The following MEGF8 variants were observed in gnomAD, a reference collection of about 807,000 sequenced individuals.
The protein encoded by MEGF8 is multiple epidermal growth factor-like domains protein 8.
MEGF8 carries 156 observed loss-of-function variants against 302.9 expected under a neutral mutation model. The ratio of observed to expected loss-of-function variants is 0.52; its 90% CI spans 0.45 to 0.59. The LOEUF (loss-of-function observed/expected upper bound fraction) is 0.59, where lower values mean the gene tolerates loss of function less well. Ranked by LOEUF, MEGF8 falls within the 20% of genes least tolerant of loss-of-function variation. MEGF8 has a pLI of 0.00. For synonymous variants in MEGF8, 1,621 were observed against 1,660.5 expected (o/e 0.98, Z 0.58); for missense variants, 3,345 against 3,964.5 (o/e 0.84, Z 4.20).
intron 12 of MEGF8, among the ~76,000 whole-genome samples, chr19:42,347,729 T>G: frequency 6.6e-6 from 1 of 152,118 alleles, no homozygotes; most frequent in Admixed American, 6.6e-5. Flanking sequence ...TGACCTCAAG[T>G]GATCTGCCCA....
intron 35 of MEGF8, among the ~76,000 whole-genome samples, chr19:42,367,320 G>A (rs1442997222): frequency 2.1e-5 from 3 of 144,428 alleles, no homozygotes; most frequent in Admixed American, 7.2e-5. Flanking sequence ...ACGGAGTCTC[G>A]CTCTGTCATC....
In MEGF8 at chr19:42,356,509, T is replaced by C; in HGVS notation, c.4622+56T>C. 1 of 1,366,096 alleles carries C rather than the reference T, an allele frequency of 7.3e-7. No individual in the cohort carries two copies. The highest frequency in any genetic ancestry group is 9.9e-7 in the Non-Finnish European group (1 of 1,006,694). The allele number at this position is 1,366,096 out of a possible 1,614,324, so 84.6% of individuals were successfully genotyped here. A position where few individuals can be genotyped will look rare whatever the true frequency, so the allele number is the denominator to read the frequency against. The stretch of plus-strand genomic sequence containing the variant: ...CAAATAAGAGAAGGTCACCTCGGGA[T>C]GCTAAGAGTCACCTCAGAGGAGTGC... On this transcript the variant is annotated intron_variant, in intron 26 of 41. Transcript: ENST00000251268. This position sits in a 1 kb window ranked among gnomAD's most constrained non-coding sequence, Gnocchi z 5.2.
chr19:42,326,483 G>A, intron 1 of MEGF8, 53 bp downstream of exon 1: 2 of 1,480,410 alleles, frequency 1.4e-6, no homozygotes, highest in East Asian at 2.8e-5. Context: ...TCATTCATGT[G>A]TGCATTCATC....
intron 15 of MEGF8, 59 bp downstream of exon 15, chr19:42,350,443 G>T (rs2147474107): frequency 1.4e-6 from 2 of 1,400,350 alleles, no homozygotes; most frequent in East Asian, 2.5e-5. Context: ...CAGGCAATGG[G>T]CAGTCAAGGG....
rs1174761169 is a variant in MEGF8 at position 42,356,381 on chromosome 19, A to C, written c.4550A>C (p.Asp1517Ala). ...FLHRLGHTMV[D>A]GPDATLWMFG... ...CACCGCCTGGGCCACACCATGGTGG[A>C]TGGACCCGATGCCACCTTGTGGATG... The change falls in exon 26 of 42, where the codon GAT (aspartate) becomes GCT (alanine). Residue 1517 changes from aspartate (D) to alanine (A), a missense_variant. Asp to Ala is a moderately radical substitution (Grantham distance 126). Coordinates refer to ENST00000251268, the MANE Select transcript of MEGF8 (RefSeq NM_001271938.2). This position sits in a 1 kb window ranked among gnomAD's most constrained non-coding sequence, Gnocchi z 5.2. 6.2e-7 allele frequency: 1 copy of C among 1,613,076 alleles called. No individual in the cohort carries two copies. Among genetic ancestry groups the C allele is most frequent in the African/African-American group, 1.3e-5 (1 of 74,886 alleles).
rs1056634686 is a variant in MEGF8, at chr19:42,344,327, C to T, written c.1789-114C>T. 24 of 1,419,044 alleles carry T rather than the reference C, an allele frequency of 1.7e-5. No individual in the cohort carries two copies. Among genetic ancestry groups the T allele is most frequent in the South Asian group, 1.4e-4 (10 of 71,922 alleles). The allele number at this position is 1,419,044 out of a possible 1,614,324, so 87.9% of individuals were successfully genotyped here. Reference sequence around the variant, plus strand: ...TCTCCCACATTCCAAGTCAACTCCCCGTTCTTCAGTTTTTTCGCCCTTTCC... The same window carrying T: ...TCTCCCACATTCCAAGTCAACTCCCTGTTCTTCAGTTTTTTCGCCCTTTCC... On this transcript the variant is annotated intron_variant, in intron 10 of 41. Transcript: ENST00000251268. This position sits in a 1 kb window ranked among gnomAD's most constrained non-coding sequence, Gnocchi z 4.5.
intron 13 of MEGF8, 23 bp from the exon 14 acceptor site, chr19:42,349,476 C>T: frequency 6.2e-7 from 1 of 1,602,128 alleles, no homozygotes; most frequent in Non-Finnish European, 8.5e-7. Flanking sequence ...GAGGCCCCTG[C>T]CTATCACTCA....
In MEGF8 at chr19:42,326,323, C is replaced by T. The variant is rs2038982789; in HGVS notation, c.80C>T (p.Ala27Val). ...VLGSLSPGAR[A>V]GDCKGQRQVL... ...GGGTCGCTGTCCCCTGGGGCCCGGG[C>T]GGGGGACTGCAAGGGGCAGCGGCAG... Residue 27 changes from alanine to valine, a missense_variant, in exon 1 of 42, where the codon GCG becomes GTG. Transcript: ENST00000251268. The T allele has an allele frequency of 6.4e-7, 1 of 1,568,312 alleles. No homozygotes were observed. The highest frequency in any genetic ancestry group is 8.6e-7 in the Non-Finnish European group (1 of 1,163,148).
Position 42,336,730 on chromosome 19 carries a change from A to G in MEGF8, c.1245-77A>G. ...TGGCCAGTCTCATCCCTGGGTGATC[A>G]CATGGCTCCTAAGAGCCTGGAGGAG... On this transcript the variant is annotated intron_variant, in intron 6 of 41. Transcript: ENST00000251268. This position sits in a 1 kb window ranked among gnomAD's most constrained non-coding sequence, Gnocchi z 4.8. The G allele has an allele frequency of 6.6e-7, 1 of 1,509,808 alleles. No individual in the cohort carries two copies. The highest frequency in any genetic ancestry group is 2.3e-5 in the East Asian group (1 of 43,902). 93.5% of individuals were successfully genotyped at this position (1,509,808 alleles called of 1,614,324 possible). A position where few individuals can be genotyped will look rare whatever the true frequency, so the allele number is the denominator to read the frequency against.
rs1351055123 is a variant in MEGF8, at chr19:42,335,299, C to G, written c.742C>G (p.Gln248Glu). 2.8e-5 allele frequency: 45 copies of G among 1,614,066 alleles called. No homozygotes were observed. Among genetic ancestry groups the G allele is most frequent in the Non-Finnish European group, 3.7e-5 (44 of 1,179,896 alleles). ...PPGLLAVFGG[Q>E]DLNNALGDLV... is the part of the protein sequence containing the mutation. The stretch of plus-strand genomic sequence containing the variant: ...TGAGACTATCCACCCCTCCACAGGC[C>G]AGGACCTCAACAATGCCCTGGGTGA... Residue 248 changes from glutamine (Q) to glutamate (E), a missense_variant and splice_region_variant, in exon 5 of 42, where the codon CAG (glutamine) becomes GAG (glutamate). Transcript: ENST00000251268.
chr19:42,364,440 C>T (rs2039576399), intron 35 of MEGF8, among the ~76,000 whole-genome samples: 2 of 152,174 alleles, frequency 1.3e-5, no homozygotes, highest in South Asian at 4.1e-4. Context: ...CATCCGACAA[C>T]CCATGAACTA....
chr19:42,336,891 G>A lies in MEGF8; in HGVS notation c.1329G>A (p.Gln443=). The A allele has an allele frequency of 6.2e-7, 1 of 1,613,496 alleles. No individual in the cohort carries two copies. The highest frequency in any genetic ancestry group is 8.5e-7 in the Non-Finnish European group (1 of 1,179,698). Residue 443 remains glutamine (Q), a synonymous_variant, in exon 7 of 42, where the codon CAG becomes CAA. Coordinates refer to ENST00000251268, the MANE Select transcript of MEGF8 (RefSeq NM_001271938.2). This position sits in a 1 kb window ranked among gnomAD's most constrained non-coding sequence, Gnocchi z 4.8. ...CGCTGAAGGGGCGGGATGGGCTTCA[G>A]GGCCCAAGGGAGCGAGCCTTCCACA... ...WTTLKGRDGL[Q]GPRERAFHTA...
intron 5 of MEGF8, among the ~76,000 whole-genome samples, 197 bp from the exon 6 acceptor site, chr19:42,335,734 T>C (rs976393742): frequency 5.9e-5 from 9 of 152,198 alleles, no homozygotes; most frequent in African/African-American, 2.2e-4. Context: ...CCTTGCCTTT[T>C]CTCTCTCTTA....
intron 31 of MEGF8, 63 bp downstream of exon 31, chr19:42,359,305 C>A: frequency 1.4e-6 from 2 of 1,444,106 alleles, no homozygotes; most frequent in Middle Eastern, 2.3e-4. Context: ...CATCCCCATC[C>A]TGGGACTCCC....
chr19:42,373,120 G>A (rs1216488250), intron 41 of MEGF8, among the ~76,000 whole-genome samples: 1 of 150,800 alleles, frequency 6.6e-6, no homozygotes, highest in Non-Finnish European at 1.5e-5. Flanking sequence ...TTGAGACGGA[G>A]TCTCACTCTG....
At chr19:42,374,383 A>G (rs2039735754) in intron 41 of MEGF8, among the ~76,000 whole-genome samples, 1 of 151,314 alleles carries the variant, frequency 6.6e-6, no homozygotes, top group Non-Finnish European at 1.5e-5. Context: ...AGGCAGGAGA[A>G]TCGCTTGAAC....
At chr19:42,350,473 G>A in intron 15 of MEGF8, 89 bp downstream of exon 15, 1 of 1,223,516 alleles carries the variant, frequency 8.2e-7, no homozygotes, top group Middle Eastern at 2.9e-4. Context: ...TGGGGGGTGT[G>A]GGGGAAACAG....
chr19:42,358,800 G>T lies in MEGF8; in HGVS notation c.5189G>T (p.Arg1730Met), dbSNP rs540356511. Residue 1730 changes from arginine (R) to methionine (M), a missense_variant, in exon 30 of 42, where the codon AGG becomes ATG. Coordinates refer to ENST00000251268, the MANE Select transcript of MEGF8 (RefSeq NM_001271938.2). This position sits in a 1 kb window ranked among gnomAD's most constrained non-coding sequence, Gnocchi z 4.4. ...PSQGAKRDRM[R>M]NVRGSSRGLG... ...CACTGTCACTAGCGAGATCGTATGA[G>T]GAATGTGCGTGGCTCATCTCGGGGT... The T allele has an allele frequency of 8.3e-6, 13 of 1,566,396 alleles. No individual in the cohort carries two copies. In the East Asian group the frequency reaches 2.7e-4, roughly 33 times the overall value.
At position 42,343,981 on chromosome 19, in the gene MEGF8, A is replaced by G. The variant is rs1012606989; in HGVS notation, c.1696A>G (p.Thr566Ala). The change falls in exon 10 of 42, where the codon ACA becomes GCA. Residue 566 changes from threonine (T) to alanine (A), a missense_variant. Physicochemically the swap from Thr to Ala is moderately conservative, Grantham distance 58 (BLOSUM62 0). Coordinates refer to ENST00000251268, the MANE Select transcript of MEGF8 (RefSeq NM_001271938.2). ...DYHLDYCSMY[T>A]DHSVCSRDPE... Reference sequence around the variant, plus strand: ...CCACTTGGACTACTGCTCCATGTACACAGACCACAGCGTCTGCTCCCGGGA... The same window carrying G: ...CCACTTGGACTACTGCTCCATGTACGCAGACCACAGCGTCTGCTCCCGGGA... 1.6e-5 allele frequency: 26 copies of G among 1,613,646 alleles called. No individual in the cohort carries two copies. The highest frequency in any genetic ancestry group is 2.1e-5 in the Non-Finnish European group (25 of 1,179,736).
Sources: gnomAD v4.1 joint callset for allele counts (sites outside exome capture counted in the v4.1 genomes callset) on GRCh38, gnomAD v4.1.1 for gene constraint, Gnocchi (gnomAD v3.1) non-coding constraint, MANE v1.5 for transcripts, NCBI Gene and HGNC (gene_info 2026-07-23, HGNC 2026-07-21) for gene names.